The following B3GNT2 variants were observed in gnomAD, a reference collection of about 807,000 sequenced individuals.
B3GNT2 encodes N-acetyllactosaminide beta-1,3-N-acetylglucosaminyltransferase 2.
Under a neutral mutation model 27.6 loss-of-function variants are expected in B3GNT2, and 12 were observed. That is an observed-to-expected ratio of 0.44 (90% CI 0.28 to 0.71). The LOEUF (loss-of-function observed/expected upper bound fraction) is 0.71. Among genes scored for constraint, B3GNT2 ranks in the 30% least tolerant of loss-of-function variants. The probability of loss-of-function intolerance (pLI) is 0.17; values close to 1 mark genes in which losing one functional copy is unlikely to be tolerated. For synonymous variants in B3GNT2, 192 were observed against 189.7 expected (o/e 1.01, Z -0.10); for missense variants, 413 against 488.5 (o/e 0.85, Z 1.46).
chr2:62,206,762 T>G (rs754504630), intron 1 of B3GNT2, among the ~76,000 whole-genome samples: 13 of 152,162 alleles, frequency 8.5e-5, no homozygotes, highest in Non-Finnish European at 1.5e-4. Flanking sequence ...GTGCCTGCTT[T>G]TGGAAGAGCG....
intron 1 of B3GNT2, chr2:62,206,005 G>A (rs1207384155): frequency 6.5e-6 from 1 of 154,392 alleles, no homozygotes; most frequent in African/African-American, 2.4e-5. Context: ...GAGGAGACAG[G>A]ATTTGAACCT....
chr2:62,221,634 C>A (rs901028006), intron 1 of B3GNT2, among the ~76,000 whole-genome samples: 3 of 152,154 alleles, frequency 2.0e-5, no homozygotes, highest in Non-Finnish European at 4.4e-5. Context: ...TAACCAGTCC[C>A]TGTTTCTACA....
chr2:62,221,818 T>C (rs1302961435), intron 1 of B3GNT2: 2 of 521,474 alleles, frequency 3.8e-6, no homozygotes, highest in Non-Finnish European at 7.6e-6. Flanking sequence ...TGCCAAGCAC[T>C]GTATGTGCCA....
intron 1 of B3GNT2, among the ~76,000 whole-genome samples, chr2:62,197,149 C>G (rs1283745366): frequency 1.3e-5 from 2 of 152,032 alleles, no homozygotes; most frequent in East Asian, 3.9e-4. Context: ...CGCCTGAAGC[C>G]GGACTCTACG....
Position 62,224,504 on chromosome 2 carries a change from A to C in B3GNT2, c.*1090A>C, listed in dbSNP as rs978441957. 1 of 167,110 alleles carries C rather than the reference A, an allele frequency of 6.0e-6. No homozygotes were observed. The highest frequency in any genetic ancestry group is 1.5e-5 in the Non-Finnish European group (1 of 68,112). 10.4% of individuals were successfully genotyped at this position (167,110 alleles called of 1,614,324 possible). ...ATATTTAACTAGAGCATGATATTTT[A>C]AATGTTAAGGTGTAACATATGTTAA... On this transcript the variant is annotated 3_prime_UTR_variant, in exon 2 of 2. Transcript: ENST00000301998.
intron 1 of B3GNT2, among the ~76,000 whole-genome samples, chr2:62,220,663 T>G (rs912216565): frequency 2.0e-5 from 3 of 152,224 alleles, no homozygotes; most frequent in African/African-American, 7.2e-5. Context: ...CAGTCTGCCC[T>G]TCTTTAAATG....
At chr2:62,209,658 G>A (rs1378074646) in intron 1 of B3GNT2, among the ~76,000 whole-genome samples, 1 of 152,114 alleles carries the variant, frequency 6.6e-6, no homozygotes, top group Non-Finnish European at 1.5e-5. Flanking sequence ...CACCAAGAGT[G>A]AGATGGTACA....
Position 62,196,303 on chromosome 2 carries a change from C to G in B3GNT2, c.-62C>G, listed in dbSNP as rs1185528022. 1 of 152,208 alleles carries G rather than the reference C, an allele frequency of 6.6e-6. No individual in the cohort carries two copies. The highest frequency in any genetic ancestry group is 2.4e-5 in the African/African-American group (1 of 41,430). 9.4% of individuals were successfully genotyped at this position (152,208 alleles called of 1,614,324 possible). A position where few individuals can be genotyped will look rare whatever the true frequency, so the allele number is the denominator to read the frequency against. On this transcript the variant is annotated 5_prime_UTR_variant, in exon 1 of 2. Coordinates refer to ENST00000301998, the MANE Select transcript of B3GNT2 (RefSeq NM_006577.6). ...AGCGGCCGGGACGTGGATGTGGCCG[C>G]GATCTCCCGCCCTTGCCCCCGCCCC...
intron 1 of B3GNT2, among the ~76,000 whole-genome samples, chr2:62,214,628 G>T (rs919443840): frequency 6.6e-6 from 1 of 152,206 alleles, no homozygotes; most frequent in Admixed American, 6.5e-5. Context: ...AGTGAAGGAC[G>T]GAACTTTGAG....
chr2:62,201,572 C>T (rs1272455155), intron 1 of B3GNT2, among the ~76,000 whole-genome samples: 4 of 152,260 alleles, frequency 2.6e-5, no homozygotes, highest in Non-Finnish European at 5.9e-5. Context: ...TACATAATTC[C>T]ATGGCCTCAT....
At chr2:62,201,450 T>A (rs1674262082) in intron 1 of B3GNT2, among the ~76,000 whole-genome samples, 1 of 152,376 alleles carries the variant, frequency 6.6e-6, no homozygotes, top group Non-Finnish European at 1.5e-5. Flanking sequence ...TTATGTTTAG[T>A]GAAATAATTA....
chr2:62,211,605 G>A (rs529047965), intron 1 of B3GNT2, among the ~76,000 whole-genome samples: 4 of 152,116 alleles, frequency 2.6e-5, no homozygotes, highest in Non-Finnish European at 5.9e-5. Flanking sequence ...TTAAGTAGAG[G>A]GGACAGGAAA....
chr2:62,221,983 T>C (rs1674704743), intron 1 of B3GNT2: 1 of 582,364 alleles, frequency 1.7e-6, no homozygotes, highest in East Asian at 3.2e-5. Flanking sequence ...CAACCATCCT[T>C]TGAAGTGGGC....
At chr2:62,220,020 T>A (rs1343593952) in intron 1 of B3GNT2, among the ~76,000 whole-genome samples, 1 of 152,244 alleles carries the variant, frequency 6.6e-6, no homozygotes, top group East Asian at 1.9e-4. Flanking sequence ...AAGTCAAAGA[T>A]CTTGTGGCCT....
intron 1 of B3GNT2, among the ~76,000 whole-genome samples, chr2:62,216,471 T>G (rs1420964888): frequency 6.6e-6 from 1 of 151,804 alleles, no homozygotes; most frequent in Non-Finnish European, 1.5e-5. Context: ...GGTGGTACAA[T>G]CTCAGCTCAC....
intron 1 of B3GNT2, among the ~76,000 whole-genome samples, chr2:62,207,359 A>T (rs1314653765): frequency 6.6e-6 from 1 of 151,918 alleles, no homozygotes. Context: ...TAATTTTTGT[A>T]TTTTTTGCAG....
At chr2:62,213,056 T>G (rs1412917964) in intron 1 of B3GNT2, among the ~76,000 whole-genome samples, 4 of 152,180 alleles carry the variant, frequency 2.6e-5, no homozygotes, top group African/African-American at 9.7e-5. Flanking sequence ...CCAATATGCA[T>G]TAAGCTCCCC....
rs1674733830 is a variant in B3GNT2, at chr2:62,222,522, G to A, written c.302G>A (p.Arg101Lys). ...SHLNYCEPDL[R>K]VTSVVTGFNN... ...CTGAACTACTGCGAACCTGACCTGA[G>A]GGTCACGTCGGTGGTTACGGGTTTT... The change falls in exon 2 of 2, where the codon AGG becomes AAG. Residue 101 changes from arginine (R) to lysine (K), a missense_variant. Transcript: ENST00000301998. This position sits in a 1 kb window ranked among gnomAD's most constrained non-coding sequence, Gnocchi z 4.2. 2 of 1,614,070 alleles carry A rather than the reference G, an allele frequency of 1.2e-6. No individual in the cohort carries two copies. Among genetic ancestry groups the A allele is most frequent in the Non-Finnish European group, 1.7e-6 (2 of 1,180,044 alleles).
At position 62,196,261 on chromosome 2, in the gene B3GNT2, C is replaced by T. The variant is rs1429603346; in HGVS notation, c.-104C>T. On this transcript the variant is annotated 5_prime_UTR_variant, in exon 1 of 2. Coordinates refer to ENST00000301998, the MANE Select transcript of B3GNT2 (RefSeq NM_006577.6). ...ATGGAGCGTGAGCTGCGGCGGTCGC[C>T]GGGCTGAGCCGCGCGGAGCGGCCGG... 1 of 151,860 alleles carries T rather than the reference C, an allele frequency of 6.6e-6. No individual in the cohort carries two copies. Among genetic ancestry groups the T allele is most frequent in the African/African-American group, 2.4e-5 (1 of 41,398 alleles). 9.4% of individuals were successfully genotyped at this position (151,860 alleles called of 1,614,324 possible). A position where few individuals can be genotyped will look rare whatever the true frequency, so the allele number is the denominator to read the frequency against.
Sources: gnomAD v4.1 joint callset for allele counts (sites outside exome capture counted in the v4.1 genomes callset) on GRCh38, gnomAD v4.1.1 for gene constraint, Gnocchi (gnomAD v3.1) non-coding constraint, MANE v1.5 for transcripts, NCBI Gene and HGNC (gene_info 2026-07-23, HGNC 2026-07-21) for gene names.